Variants in MRGPRF observed in about 807,000 individuals in gnomAD.
The protein encoded by MRGPRF is mas-related G protein-coupled receptor member F.
MRGPRF carries 2 observed loss-of-function variants against 3.3 expected under a neutral mutation model. The observed-to-expected ratio is 0.61, with a 90% CI of 0.25 to 1.92. The LOEUF (loss-of-function observed/expected upper bound fraction) is 1.92, where lower values mean the gene tolerates loss of function less well. Among genes scored for constraint, MRGPRF ranks in the 40% most tolerant of loss-of-function variants. The pLI is 0.16. For missense variants in MRGPRF, 500 were observed against 476.0 expected, an observed-to-expected ratio of 1.05 and a Z score of -0.47; for synonymous variants, 242 against 222.7, an observed-to-expected ratio of 1.09 and a Z score of -0.77.
Position 69,005,571 on chromosome 11 carries a change from C to T in MRGPRF, c.739G>A (p.Val247Ile), listed in dbSNP as rs1268120013. 1.8e-5 allele frequency: 28 copies of T among 1,585,072 alleles called. No individual in the cohort carries two copies. The highest frequency in any genetic ancestry group is 2.3e-5 in the Non-Finnish European group (27 of 1,166,208). Reference sequence around the variant, plus strand: ...AAGTAGATGGAGGACACCAGGAAGACGGAGACCATGGCCAGGATGACGTGG... The same window carrying T: ...AAGTAGATGGAGGACACCAGGAAGATGGAGACCATGGCCAGGATGACGTGG... ...LNHVILAMVS[V>I]FLVSSIYLGI... Residue 247 changes from valine (V) to isoleucine (I), a missense_variant, in exon 3 of 3, where the codon GTC becomes ATC. By Grantham distance (29) the Val-to-Ile change is conservative. Coordinates refer to ENST00000309099, the MANE Select transcript of MRGPRF (RefSeq NM_145015.5).
intron 2 of MRGPRF, among the ~76,000 whole-genome samples, chr11:69,007,074 C>A (rs1237535210): frequency 6.6e-6 from 1 of 152,218 alleles, no homozygotes; most frequent in Non-Finnish European, 1.5e-5. Context: ...AATGGCATTG[C>A]ATCGGTGTTG....
At chr11:69,010,436 A>G (rs1860571714) in intron 1 of MRGPRF, among the ~76,000 whole-genome samples, 1 of 152,166 alleles carries the variant, frequency 6.6e-6, no homozygotes, top group Non-Finnish European at 1.5e-5. Flanking sequence ...CGCGGTTTGT[A>G]ACATGCTAAG....
intron 1 of MRGPRF, among the ~76,000 whole-genome samples, chr11:69,010,998 C>G (rs1323840372): frequency 6.6e-6 from 1 of 152,142 alleles, no homozygotes; most frequent in Non-Finnish European, 1.5e-5. Context: ...CGGAGAAGGG[C>G]CTTGCTGGGC....
Position 69,009,845 on chromosome 11 carries a change from G to A in MRGPRF, c.48+9C>T, listed in dbSNP as rs759964191. 60 of 1,609,328 alleles carry A rather than the reference G, an allele frequency of 3.7e-5. 2 individuals carry two copies. The South Asian group carries it at 5.5e-4, about 15-fold the overall frequency. On this transcript the variant is annotated intron_variant, in intron 2 of 2. Transcript: ENST00000309099. ...GGCAAGACCAGGGCCCTCCGCCTGT[G>A]GCACTTACCTTGTTCCTGTTGCCGG...
In MRGPRF at chr11:69,004,803, C is replaced by G. The variant is rs1389859176; in HGVS notation, c.*475G>C. On this transcript the variant is annotated 3_prime_UTR_variant, in exon 3 of 3. Transcript: ENST00000309099. ...AAGGCATGTGAACCAGAACTTTCTTCCAGACACCATTTCCTTCACATTTGC... is the reference window on the plus strand; with the variant it reads ...AAGGCATGTGAACCAGAACTTTCTTGCAGACACCATTTCCTTCACATTTGC... 2 of 155,784 alleles carry G rather than the reference C, an allele frequency of 1.3e-5. No homozygotes were observed. The highest frequency in any genetic ancestry group is 4.8e-5 in the African/African-American group (2 of 41,596). The allele number at this position is 155,784 out of a possible 1,614,324, so 9.7% of individuals were successfully genotyped here. A position where few individuals can be genotyped will look rare whatever the true frequency, so the allele number is the denominator to read the frequency against.
chr11:69,006,200 TGCTCGA>T lies in MRGPRF; in HGVS notation c.104_109del (p.Ile35_Gln37delinsLys). ...GGCCGGAGGCGGCAGCATCGCGATC[TGCTCGA>T]TGGTCAGGAAGCCCCGGCTGTAGAG... On this transcript the variant is annotated inframe_deletion, in exon 3 of 3. Coordinates refer to ENST00000309099, the MANE Select transcript of MRGPRF (RefSeq NM_145015.5). The T allele has an allele frequency of 6.2e-7, 1 of 1,613,794 alleles. No individual in the cohort carries two copies. The highest frequency in any genetic ancestry group is 8.5e-7 in the Non-Finnish European group (1 of 1,180,032).
intron 2 of MRGPRF, among the ~76,000 whole-genome samples, chr11:69,007,050 G>A (rs1860505559): frequency 6.6e-6 from 1 of 152,236 alleles, no homozygotes; most frequent in African/African-American, 2.4e-5. Context: ...TGTGAGTATG[G>A]ACGATGCAGA....
At chr11:69,009,129 G>A (rs940687262) in intron 2 of MRGPRF, among the ~76,000 whole-genome samples, 3 of 152,242 alleles carry the variant, frequency 2.0e-5, no homozygotes, top group Non-Finnish European at 4.4e-5. Context: ...GCCCAAGGGC[G>A]TGGGGGTGAG....
intron 1 of MRGPRF, 105 bp from the exon 2 acceptor site, chr11:69,010,062 T>A: frequency 1.4e-6 from 1 of 697,270 alleles, no homozygotes; most frequent in Non-Finnish European, 2.4e-6. Context: ...AGCCATCACC[T>A]TAGAGGAAAG....
At chr11:69,006,776 A>G (rs1860500558) in intron 2 of MRGPRF, among the ~76,000 whole-genome samples, 1 of 151,840 alleles carries the variant, frequency 6.6e-6, no homozygotes, top group African/African-American at 2.4e-5. Context: ...GGCACGCGGC[A>G]CCATGCCCGG....
intron 2 of MRGPRF, 81 bp from the exon 3 acceptor site, chr11:69,006,342 A>AGGGGGGGGGT: frequency 7.8e-7 from 1 of 1,278,260 alleles, no homozygotes; most frequent in Non-Finnish European, 1.0e-6. Flanking sequence ...AGCGTGGGGG[A>AGGGGGGGGGT]GGGGGGGGGT....
intron 1 of MRGPRF, among the ~76,000 whole-genome samples, chr11:69,011,024 G>A (rs1458238123): frequency 6.6e-6 from 1 of 152,166 alleles, no homozygotes; most frequent in Non-Finnish European, 1.5e-5. Flanking sequence ...CCAGGTCGCA[G>A]GCTGCCGGGC....
Position 69,005,937 on chromosome 11 carries a change from A to G in MRGPRF, c.373T>C (p.Cys125Arg), listed in dbSNP as rs762378122. ...IRSVCRVLGL[C>R]MFLTGVSLLP... ...AGGCTCACGCCGGTAAGGAACATGC[A>G]GAGCCCCAGGACCCGGCACACGCTG... Residue 125 changes from cysteine to arginine, a missense_variant, in exon 3 of 3, where the codon TGC becomes CGC. Cys to Arg is a radical substitution (Grantham distance 180). Transcript: ENST00000309099. 2 of 1,573,702 alleles carry G rather than the reference A, an allele frequency of 1.3e-6. No homozygotes were observed. Among genetic ancestry groups the G allele is most frequent in the Non-Finnish European group, 1.7e-6 (2 of 1,160,104 alleles).
intron 2 of MRGPRF, among the ~76,000 whole-genome samples, chr11:69,007,590 A>C (rs1336915238): frequency 6.6e-6 from 1 of 152,254 alleles, no homozygotes; most frequent in Non-Finnish European, 1.5e-5. Context: ...TGAAGGGTTA[A>C]CGATGACTGA....
At chr11:69,011,902 G>A (rs948107068) in intron 1 of MRGPRF, among the ~76,000 whole-genome samples, 1 of 152,292 alleles carries the variant, frequency 6.6e-6, no homozygotes, top group East Asian at 1.9e-4. Flanking sequence ...GCATGCAGTG[G>A]GGGCCCCCAG....
At chr11:69,006,956 T>C (rs1216408183) in intron 2 of MRGPRF, among the ~76,000 whole-genome samples, 1 of 152,104 alleles carries the variant, frequency 6.6e-6, no homozygotes, top group African/African-American at 2.4e-5. Flanking sequence ...GAGACATGAC[T>C]CCTAAACACA....
Position 69,006,008 on chromosome 11 carries a change from A to C in MRGPRF, c.302T>G (p.Ile101Ser), listed in dbSNP as rs758313810. The C allele has an allele frequency of 6.4e-7, 1 of 1,569,220 alleles. No homozygotes were observed. Among genetic ancestry groups the C allele is most frequent in the African/African-American group, 1.4e-5 (1 of 73,982 alleles). ...GYLFSKAVFSILNTGGFLGTF... is the reference protein window; with the variant it reads ...GYLFSKAVFSSLNTGGFLGTF... Reference sequence around the variant, plus strand: ...GCCCAGGAAGCCCCCCGTGTTCAGGATGGAGAACACCGCCTTGCTGAAGAG... The same window carrying C: ...GCCCAGGAAGCCCCCCGTGTTCAGGCTGGAGAACACCGCCTTGCTGAAGAG... Residue 101 changes from isoleucine to serine, a missense_variant, in exon 3 of 3, where the codon ATC (isoleucine) becomes AGC (serine). Coordinates refer to ENST00000309099, the MANE Select transcript of MRGPRF (RefSeq NM_145015.5).
intron 2 of MRGPRF, among the ~76,000 whole-genome samples, chr11:69,008,241 C>G (rs1022324821): frequency 4.6e-5 from 7 of 152,174 alleles, no homozygotes; most frequent in Non-Finnish European, 8.8e-5. Flanking sequence ...CAGGCTGGCT[C>G]AGCTCTCCGG....
rs1413567496 is a variant in MRGPRF, at chr11:69,005,813, A to G, written c.497T>C (p.Leu166Pro). ...GACCAGGAGGGACAGGACCCACAGCAGGGCGCACACCACGGCCGACAGGCG... is the reference window on the plus strand; with the variant it reads ...GACCAGGAGGGACAGGACCCACAGCGGGGCGCACACCACGGCCGACAGGCG... ...PKRLSAVVCA[L>P]LWVLSLLVTC... Residue 166 changes from leucine to proline, a missense_variant, in exon 3 of 3, where the codon CTG becomes CCG. Transcript: ENST00000309099. 6.5e-7 allele frequency: 1 copy of G among 1,535,738 alleles called. No homozygotes were observed. Among genetic ancestry groups the G allele is most frequent in the Non-Finnish European group, 8.8e-7 (1 of 1,140,566 alleles).
Sources: allele counts gnomAD v4.1 joint callset (sites outside exome capture counted in the v4.1 genomes callset), GRCh38; gene constraint gnomAD v4.1.1; transcripts MANE v1.5; gene names NCBI Gene and HGNC (gene_info 2026-07-23, HGNC 2026-07-21).